The following DBX2 variants were observed in gnomAD, a reference collection of about 807,000 sequenced individuals.
DBX2 encodes the protein homeobox protein DBX2.
Under a neutral mutation model 17.7 loss-of-function variants are expected in DBX2, and 16 were observed. The ratio of observed to expected loss-of-function variants is 0.90; its 90% CI spans 0.61 to 1.37. The LOEUF (loss-of-function observed/expected upper bound fraction) is 1.37. Among genes scored for constraint, DBX2 ranks in the 40% most tolerant of loss-of-function variants. The pLI is 0.00. For synonymous variants in DBX2, 255 were observed against 183.8 expected, an observed-to-expected ratio of 1.39 and a Z score of -3.13; for missense variants, 538 against 433.8, an observed-to-expected ratio of 1.24 and a Z score of -2.13.
rs1258614827 is a variant in DBX2 at position 45,015,903 on chromosome 12, A to T, written c.*383T>A. On this transcript the variant is annotated 3_prime_UTR_variant, in exon 4 of 4. Coordinates refer to ENST00000332700, the MANE Select transcript of DBX2 (RefSeq NM_001004329.3). ...TTCTGTCAATGGTAGTTTTCTTCACATAAAAGGAAGTGAATTTACTCAATG... is the reference window on the plus strand; with the variant it reads ...TTCTGTCAATGGTAGTTTTCTTCACTTAAAAGGAAGTGAATTTACTCAATG... 1 of 157,142 alleles carries T rather than the reference A, an allele frequency of 6.4e-6. No individual in the cohort carries two copies. Among genetic ancestry groups the T allele is most frequent in the Non-Finnish European group, 1.4e-5 (1 of 71,568 alleles). 9.7% of individuals were successfully genotyped at this position (157,142 alleles called of 1,614,324 possible). A position where few individuals can be genotyped will look rare whatever the true frequency, so the allele number is the denominator to read the frequency against.
intron 2 of DBX2, among the ~76,000 whole-genome samples, chr12:45,031,010 C>T (rs932717098): frequency 6.6e-6 from 1 of 152,130 alleles, no homozygotes. Context: ...AAAAGTAGCT[C>T]ATTTCAAACC....
chr12:45,020,108 T>C (rs1946343869), intron 3 of DBX2, among the ~76,000 whole-genome samples: 1 of 152,148 alleles, frequency 6.6e-6, no homozygotes, highest in Non-Finnish European at 1.5e-5. Context: ...GGTTTTCATA[T>C]ATTCACAGAT....
chr12:45,027,372 C>T (rs1019428487), intron 2 of DBX2, among the ~76,000 whole-genome samples: 2 of 152,178 alleles, frequency 1.3e-5, no homozygotes, highest in African/African-American at 2.4e-5. Context: ...AAAGCTGGCA[C>T]CAAGACCTTC....
intron 2 of DBX2, among the ~76,000 whole-genome samples, chr12:45,035,700 C>CTTCT (rs1946436247): frequency 6.6e-6 from 1 of 152,094 alleles, no homozygotes; most frequent in African/African-American, 2.4e-5. Context: ...CCTTTTTCCT[C>CTTCT]TTCTTTAAAG....
intron 2 of DBX2, among the ~76,000 whole-genome samples, chr12:45,032,554 C>T (rs1946416007): frequency 6.6e-6 from 1 of 152,080 alleles, no homozygotes; most frequent in African/African-American, 2.4e-5. Flanking sequence ...AAATAATGTC[C>T]CTTCCTTTCT....
chr12:45,049,803 C>A (rs535358664), intron 1 of DBX2, among the ~76,000 whole-genome samples: 83 of 152,230 alleles, frequency 5.5e-4, no homozygotes, highest in South Asian at 3.9e-3. Flanking sequence ...TTCCCAGTCC[C>A]ACTAGTTAGG....
chr12:45,045,279 C>T (rs1946493696), intron 1 of DBX2, among the ~76,000 whole-genome samples: 1 of 152,154 alleles, frequency 6.6e-6, no homozygotes, highest in African/African-American at 2.4e-5. Flanking sequence ...CTTCTTCTAA[C>T]CGAAAATTAA....
At position 45,050,952 on chromosome 12, in the gene DBX2, C is replaced by CGCGCCCGCCTT. The variant is rs1287373277; in HGVS notation, c.-36_-26dup. 41 of 1,402,904 alleles carry CGCGCCCGCCTT rather than the reference C, an allele frequency of 2.9e-5. No homozygotes were observed. The highest frequency in any genetic ancestry group is 4.5e-5 in the African/African-American group (3 of 66,092). The allele number at this position is 1,402,904 out of a possible 1,614,324, so 86.9% of individuals were successfully genotyped here. On this transcript the variant is annotated 5_prime_UTR_variant, in exon 1 of 4. Transcript: ENST00000332700. ...TAGTGCGGCGCCAACCGGTCTGCTG[C>CGCGCCCGCCTT]GCGCCCGCCTTGCGCCCGCCTGTCG...
intron 3 of DBX2, among the ~76,000 whole-genome samples, chr12:45,022,660 C>A (rs986268385): frequency 4.5e-4 from 69 of 152,256 alleles, no homozygotes; most frequent in Admixed American, 4.4e-3. Context: ...TAGTGAGGAA[C>A]AACAGTAGAG....
intron 2 of DBX2, among the ~76,000 whole-genome samples, chr12:45,024,721 T>C (rs1397699920): frequency 1.3e-5 from 2 of 152,222 alleles, no homozygotes; most frequent in Non-Finnish European, 2.9e-5. Flanking sequence ...TGGAAGGGCA[T>C]TTATTGAACT....
chr12:45,047,443 T>C (rs374352685), intron 1 of DBX2, among the ~76,000 whole-genome samples: 4 of 152,072 alleles, frequency 2.6e-5, no homozygotes, highest in South Asian at 4.2e-4. Flanking sequence ...ATTTTTAGAG[T>C]TTTAAAACTA....
chr12:45,050,697 AGGCAGG>A lies in DBX2; in HGVS notation c.225_230del (p.Leu76_Pro77del). The A allele has an allele frequency of 6.5e-7, 1 of 1,527,506 alleles. No homozygotes were observed. Among genetic ancestry groups the A allele is most frequent in the Non-Finnish European group, 8.8e-7 (1 of 1,137,740 alleles). The allele number at this position is 1,527,506 out of a possible 1,614,324, so 94.6% of individuals were successfully genotyped here. ...ACAGCTTTAGGGGAACTGGGCTAGC[AGGCAGG>A]GGCCGGAGCTGCGCGCCCGCGGTGG... On this transcript the variant is annotated inframe_deletion, in exon 1 of 4. Coordinates refer to ENST00000332700, the MANE Select transcript of DBX2 (RefSeq NM_001004329.3).
intron 2 of DBX2, among the ~76,000 whole-genome samples, chr12:45,030,588 C>A (rs1045115853): frequency 9.2e-5 from 14 of 152,194 alleles, no homozygotes; most frequent in African/African-American, 3.1e-4. Context: ...CTGTTCTGTT[C>A]CAGCCTTTGC....
chr12:45,050,708 G>A lies in DBX2; in HGVS notation c.220C>T (p.Arg74Trp), dbSNP rs994502797. 1.3e-6 allele frequency: 2 copies of A among 1,501,160 alleles called. No individual in the cohort carries two copies. The highest frequency in any genetic ancestry group is 2.3e-5 in the Admixed American group (1 of 42,846). 93.0% of individuals were successfully genotyped at this position (1,501,160 alleles called of 1,614,324 possible). A position where few individuals can be genotyped will look rare whatever the true frequency, so the allele number is the denominator to read the frequency against. The change falls in exon 1 of 4, where the codon CGG becomes TGG. Residue 74 changes from arginine (R) to tryptophan (W), a missense_variant. Arg to Trp is a moderately radical substitution (Grantham distance 101). Coordinates refer to ENST00000332700, the MANE Select transcript of DBX2 (RefSeq NM_001004329.3). ...TALATAGAQLRPLPASPVPLK... is the reference protein window; with the variant it reads ...TALATAGAQLWPLPASPVPLK... Reference sequence around the variant, plus strand: ...GGAACTGGGCTAGCAGGCAGGGGCCGGAGCTGCGCGCCCGCGGTGGCCAGG... The same window carrying A: ...GGAACTGGGCTAGCAGGCAGGGGCCAGAGCTGCGCGCCCGCGGTGGCCAGG...
At chr12:45,031,225 T>TGTGTGTGTGTGTGTGTGTGA (rs1377897653) in intron 2 of DBX2, among the ~76,000 whole-genome samples, 3 of 85,624 alleles carry the variant, frequency 3.5e-5, no homozygotes, top group African/African-American at 1.4e-4. Flanking sequence ...TGTGTGTGTG[T>TGTGTGTGTGTGTGTGTGTGA]GAGAGAGAGA....
intron 2 of DBX2, among the ~76,000 whole-genome samples, chr12:45,031,473 T>G (rs1382657177): frequency 6.6e-6 from 1 of 152,096 alleles, no homozygotes; most frequent in Non-Finnish European, 1.5e-5. Context: ...TTGGTCCCAA[T>G]TCTACACTTT....
Position 45,023,747 on chromosome 12 carries a change from C to A in DBX2, c.647G>T (p.Arg216Leu), listed in dbSNP as rs375287819. Residue 216 changes from arginine to leucine, a missense_variant, in exon 3 of 4, where the codon CGA (arginine) becomes CTA (leucine). Coordinates refer to ENST00000332700, the MANE Select transcript of DBX2 (RefSeq NM_001004329.3). ...TCCCAAGTTGATGGCAAGTTTCTTT[C>A]GGTCTGTTTTGCTGATATATTTCTG... ...QKQKYISKTD[R>L]KKLAINLGLK... The A allele has an allele frequency of 6.2e-7, 1 of 1,613,958 alleles. No individual in the cohort carries two copies. Among genetic ancestry groups the A allele is most frequent in the Non-Finnish European group, 8.5e-7 (1 of 1,180,010 alleles).
At chr12:45,046,705 T>C (rs1488590948) in intron 1 of DBX2, among the ~76,000 whole-genome samples, 1 of 152,162 alleles carries the variant, frequency 6.6e-6, no homozygotes. Flanking sequence ...TAAGTGTGAA[T>C]AGTTTCAGAC....
At chr12:45,040,090 A>G (rs1331670404) in intron 1 of DBX2, among the ~76,000 whole-genome samples, 1 of 152,142 alleles carries the variant, frequency 6.6e-6, no homozygotes, top group Non-Finnish European at 1.5e-5. Flanking sequence ...GGAGATTAAC[A>G]TTTGAGTCAG....
Sources: allele counts gnomAD v4.1 joint callset (sites outside exome capture counted in the v4.1 genomes callset), GRCh38; gene constraint gnomAD v4.1.1; transcripts MANE v1.5; gene names NCBI Gene and HGNC (gene_info 2026-07-23, HGNC 2026-07-21).